ZDHHC23: variants seen among roughly 807,000 people sequenced by gnomAD.
ZDHHC23 encodes zDHHC palmitoyltransferase 23.
ZDHHC23 carries 41 observed loss-of-function variants against 40.2 expected under a neutral mutation model. The observed-to-expected ratio is 1.02, with a 90% CI of 0.79 to 1.32. The LOEUF (loss-of-function observed/expected upper bound fraction) is 1.32. Among genes scored for constraint, ZDHHC23 ranks in the 40% most tolerant of loss-of-function variants. ZDHHC23 has a pLI of 0.00. For missense variants in ZDHHC23, 471 were observed against 541.5 expected, an observed-to-expected ratio of 0.87 and a Z score of 1.29; for synonymous variants, 204 against 210.2, an observed-to-expected ratio of 0.97 and a Z score of 0.26.
At chr3:113,970,840 A>T in the ZDHHC23 span, among the ~76,000 whole-genome samples, 1 of 152,058 alleles carries the variant, frequency 6.6e-6, no homozygotes, top group South Asian at 2.1e-4. Context: ...TCCTTGCGAT[A>T]GTTTGCTGAG....
Position 113,959,135 on chromosome 3 carries a change from C to A in ZDHHC23, c.*505C>A. 1 of 1,040,082 alleles carries A rather than the reference C, an allele frequency of 9.6e-7. No homozygotes were observed. Among genetic ancestry groups the A allele is most frequent in the Non-Finnish European group, 1.2e-6 (1 of 846,794 alleles). The allele number at this position is 1,040,082 out of a possible 1,614,324, so 64.4% of individuals were successfully genotyped here. On this transcript the variant is annotated 3_prime_UTR_variant, in exon 5 of 5. Coordinates refer to ENST00000638807, the MANE Select transcript of ZDHHC23 (RefSeq NM_001320466.2). ...GATGGATGTGGAAAGCACTAAAAAA[C>A]AACTCAAGAGCCATGGAAATACAAA...
At position 113,962,890 on chromosome 3, in the gene ZDHHC23, A is replaced by G. The variant is rs1392232242; in HGVS notation, c.*4260A>G. 2.0e-5 allele frequency: 3 copies of G among 152,216 alleles called. No individual in the cohort carries two copies. The highest frequency in any genetic ancestry group is 1.3e-4 in the Admixed American group (2 of 15,282). The allele number at this position is 152,216 out of a possible 1,614,324, so 9.4% of individuals were successfully genotyped here. A position where few individuals can be genotyped will look rare whatever the true frequency, so the allele number is the denominator to read the frequency against. ...CAGACTCAGACACAAGGCCTTTTAC[A>G]TGGAAATTTTACAAATTACTTCCAT... On this transcript the variant is annotated 3_prime_UTR_variant, in exon 5 of 5. Coordinates refer to ENST00000638807, the MANE Select transcript of ZDHHC23 (RefSeq NM_001320466.2).
chr3:113,959,347 C>A lies in ZDHHC23; in HGVS notation c.*717C>A. 1 of 1,108,580 alleles carries A rather than the reference C, an allele frequency of 9.0e-7. No homozygotes were observed. The highest frequency in any genetic ancestry group is 2.2e-5 in the South Asian group (1 of 44,822). 68.7% of individuals were successfully genotyped at this position (1,108,580 alleles called of 1,614,324 possible). A position where few individuals can be genotyped will look rare whatever the true frequency, so the allele number is the denominator to read the frequency against. On this transcript the variant is annotated 3_prime_UTR_variant, in exon 5 of 5. Coordinates refer to ENST00000638807, the MANE Select transcript of ZDHHC23 (RefSeq NM_001320466.2). ...ATGGATTGATGCTAAGTTGTCTCAT[C>A]TTGAAAAGACAGTTGACAACAGTTA...
downstream of ZDHHC23, chr3:113,964,879 A>G (rs1577287432): frequency 4.4e-6 from 1 of 227,872 alleles, no homozygotes; most frequent in African/African-American, 2.2e-5. Context: ...GTCCTTTTTA[A>G]AGTTTACTAT....
downstream of ZDHHC23, chr3:113,963,435 G>C (rs1939832713): frequency 6.6e-6 from 1 of 151,898 alleles, no homozygotes; most frequent in Non-Finnish European, 1.5e-5. Context: ...CTTATGTACA[G>C]GCTTGGCATT....
At chr3:113,979,070 A>T in the ZDHHC23 span, 1 of 1,487,466 alleles carries the variant, frequency 6.7e-7, no homozygotes, top group Admixed American at 1.8e-5. Flanking sequence ...TTAAACAAAC[A>T]CATCACCTTT....
rs1939666055 is a variant in ZDHHC23, at chr3:113,961,360, C to CA, written c.*2731dup. On this transcript the variant is annotated 3_prime_UTR_variant, in exon 5 of 5. Coordinates refer to ENST00000638807, the MANE Select transcript of ZDHHC23 (RefSeq NM_001320466.2). The stretch of plus-strand genomic sequence containing the variant: ...TGGACTGTTCCTGGGGGGAGAAGAA[C>CA]AGACCGATTTGAAAGATTCAAGGGA... 1 of 152,318 alleles carries CA rather than the reference C, an allele frequency of 6.6e-6. No homozygotes were observed. Among genetic ancestry groups the CA allele is most frequent in the South Asian group, 2.1e-4 (1 of 4,828 alleles). The allele number at this position is 152,318 out of a possible 1,614,324, so 9.4% of individuals were successfully genotyped here.
chr3:113,957,920 G>T (rs115862076), intron 4 of ZDHHC23: 21 of 466,744 alleles, frequency 4.5e-5, no homozygotes, highest in African/African-American at 4.2e-4. Flanking sequence ...GGACTGGAAA[G>T]AATGGAGATT....
Position 113,958,522 on chromosome 3 carries a change from G to C in ZDHHC23, c.1200G>C (p.Gly400=), listed in dbSNP as rs1939447315. Residue 400 remains glycine (G), a synonymous_variant, in exon 5 of 5, where the codon GGG becomes GGC. Transcript: ENST00000638807. ...RQKTGRRLLC[G]LIVDTGQYNR... ...AGACTGGGCGCCGGCTCCTCTGCGG[G>C]CTCATCGTGGACACAGGCCAGTACA... is the stretch of plus-strand genomic sequence containing the variant. The C allele has an allele frequency of 3.7e-6, 6 of 1,613,518 alleles. No individual in the cohort carries two copies. Among genetic ancestry groups the C allele is most frequent in the Non-Finnish European group, 5.1e-6 (6 of 1,180,044 alleles).
At chr3:113,975,447 C>G in the ZDHHC23 span, among the ~76,000 whole-genome samples, 1 of 152,078 alleles carries the variant, frequency 6.6e-6, no homozygotes, top group Non-Finnish European at 1.5e-5. Context: ...GACTGGTGAC[C>G]TTAAATATTA....
At chr3:113,955,658 A>G (rs1577262243) in intron 3 of ZDHHC23, among the ~76,000 whole-genome samples, 1 of 152,140 alleles carries the variant, frequency 6.6e-6, no homozygotes, top group Non-Finnish European at 1.5e-5. Context: ...ATACTATGTA[A>G]TACTTCTGAT....
In ZDHHC23 at chr3:113,959,526, G is replaced by GT. The variant is rs938712268; in HGVS notation, c.*897dup. 7.8e-7 allele frequency: 1 copy of GT among 1,277,728 alleles called. No individual in the cohort carries two copies. The highest frequency in any genetic ancestry group is 1.0e-6 in the Non-Finnish European group (1 of 979,292). 79.1% of individuals were successfully genotyped at this position (1,277,728 alleles called of 1,614,324 possible). A position where few individuals can be genotyped will look rare whatever the true frequency, so the allele number is the denominator to read the frequency against. ...CTCTTCCCATGTTTCACCAGGTAAG[G>GT]TGCTAGCACACTTGTGACTGTGGCT... On this transcript the variant is annotated 3_prime_UTR_variant, in exon 5 of 5. Coordinates refer to ENST00000638807, the MANE Select transcript of ZDHHC23 (RefSeq NM_001320466.2).
the ZDHHC23 span, among the ~76,000 whole-genome samples, chr3:113,975,110 G>GTGACT: frequency 6.6e-6 from 1 of 151,644 alleles, no homozygotes; most frequent in Non-Finnish European, 1.5e-5. Flanking sequence ...GTGTAGGTCT[G>GTGACT]TGACTTTCAT....
chr3:113,964,062 A>AAAG (rs2107532988), downstream of ZDHHC23: 1 of 152,294 alleles, frequency 6.6e-6, no homozygotes, highest in East Asian at 1.9e-4. Flanking sequence ...CTCCGTGATA[A>AAAG]AAGTATCTTA....
downstream of ZDHHC23, chr3:113,964,336 T>C (rs1341452958): frequency 6.6e-6 from 1 of 152,354 alleles, no homozygotes; most frequent in African/African-American, 2.4e-5. Flanking sequence ...ACACAATTCA[T>C]AGAAGAGAGC....
chr3:113,956,297 T>TA (rs745617674), intron 3 of ZDHHC23, 42 bp from the exon 4 acceptor site: 11 of 1,585,624 alleles, frequency 6.9e-6, no homozygotes, highest in Non-Finnish European at 6.0e-6. Context: ...CAAGAACTCT[T>TA]AAAAATGTGT....
Position 113,960,235 on chromosome 3 carries a change from C to T in ZDHHC23, c.*1605C>T, listed in dbSNP as rs947138122. The T allele has an allele frequency of 1.0e-6, 1 of 997,920 alleles. No individual in the cohort carries two copies. The highest frequency in any genetic ancestry group is 1.2e-6 in the Non-Finnish European group (1 of 837,802). 61.8% of individuals were successfully genotyped at this position (997,920 alleles called of 1,614,324 possible). A position where few individuals can be genotyped will look rare whatever the true frequency, so the allele number is the denominator to read the frequency against. ...TCCCTACTGTTGCCATTAATTGGAG[C>T]TGTCCTTAAGATGGTCACCATATTC... is the stretch of plus-strand genomic sequence containing the variant. On this transcript the variant is annotated 3_prime_UTR_variant, in exon 5 of 5. Coordinates refer to ENST00000638807, the MANE Select transcript of ZDHHC23 (RefSeq NM_001320466.2).
chr3:113,958,897 G>A lies in ZDHHC23; in HGVS notation c.*267G>A. ...CCTGAACTTGAGAAGGATGTGGATT[G>A]CTAATGCACAAATTGATAGAAGCAA... On this transcript the variant is annotated 3_prime_UTR_variant, in exon 5 of 5. Coordinates refer to ENST00000638807, the MANE Select transcript of ZDHHC23 (RefSeq NM_001320466.2). 1 of 1,274,966 alleles carries A rather than the reference G, an allele frequency of 7.8e-7. No homozygotes were observed. Among genetic ancestry groups the A allele is most frequent in the South Asian group, 1.3e-5 (1 of 75,212 alleles). 79.0% of individuals were successfully genotyped at this position (1,274,966 alleles called of 1,614,324 possible).
At chr3:113,968,461 CT>C (rs1280809551), downstream of ZDHHC23, among the ~76,000 whole-genome samples, 49 of 144,806 alleles carry the variant, frequency 3.4e-4, no homozygotes, top group Middle Eastern at 3.5e-3. Context: ...CTTCCCCCCC[CT>C]TTTTTTTTTA....
Sources: gnomAD v4.1 joint callset for allele counts (sites outside exome capture counted in the v4.1 genomes callset) on GRCh38, gnomAD v4.1.1 for gene constraint, MANE v1.5 for transcripts, NCBI Gene and HGNC (gene_info 2026-07-23, HGNC 2026-07-21) for gene names.